Variants in SMARCA1 observed in about 807,000 individuals in gnomAD.
The protein encoded by SMARCA1 is SNF2 related chromatin remodeling ATPase 1.
SMARCA1 carries 17 observed loss-of-function variants against 93.6 expected under a neutral mutation model. The ratio of observed to expected loss-of-function variants is 0.18; its 90% CI spans 0.12 to 0.27. The LOEUF is 0.27. SMARCA1 is among the 10% of genes least tolerant of loss of function. The probability of loss-of-function intolerance (pLI) is 1.00; values close to 1 mark genes in which losing one functional copy is unlikely to be tolerated. For synonymous variants in SMARCA1, 271 were observed against 271.4 expected (o/e 1.00, Z 0.01); for missense variants, 630 against 819.0 (o/e 0.77, Z 2.82).
rs755845490 is a variant in SMARCA1, at chrX:129,498,041, A to T, written c.1308T>A (p.Asp436Glu). ...WYTKILMKDI[D>E]VLNSSGKMDK... Reference sequence around the variant, plus strand: ...CCATCTTGCCAGAAGAGTTTAAAACATCAATATCTTTCATCAGGATTTTTG... The same window carrying T: ...CCATCTTGCCAGAAGAGTTTAAAACTTCAATATCTTTCATCAGGATTTTTG... Residue 436 changes from aspartate to glutamate, a missense_variant, in exon 11 of 25, where the codon GAT (aspartate) becomes GAA (glutamate). Around this residue, in one of 4 missense-constraint regions of SMARCA1, gnomAD observed 382 missense variants for 537.9 expected, o/e 0.71. Transcript: ENST00000371121. 1 of 1,190,068 alleles carries T rather than the reference A, an allele frequency of 8.4e-7. No homozygotes were observed. The highest frequency in any genetic ancestry group is 1.8e-5 in the South Asian group (1 of 56,388).
At chrX:129,494,921 C>T (rs1934264408) in intron 12 of SMARCA1, among the ~76,000 whole-genome samples, 1 of 112,408 alleles carries the variant, frequency 8.9e-6, no homozygotes, top group African/African-American at 3.2e-5. Context: ...ATGAGTACAG[C>T]AGGTCCTCAA....
chrX:129,481,839 C>G (rs914102436), intron 17 of SMARCA1, among the ~76,000 whole-genome samples: 23 of 110,518 alleles, frequency 2.1e-4, no homozygotes, highest in African/African-American at 6.9e-4. Flanking sequence ...AGGTATATAC[C>G]CAAAGGAATA....
intron 1 of SMARCA1, among the ~76,000 whole-genome samples, chrX:129,520,405 G>A (rs1935348015): frequency 9.0e-6 from 1 of 110,717 alleles, no homozygotes; most frequent in South Asian, 3.8e-4. Context: ...CAGAAAGTAA[G>A]CAAAAACACC....
chrX:129,487,813 TATAA>T (rs916178887), intron 16 of SMARCA1, among the ~76,000 whole-genome samples: 1 of 112,493 alleles, frequency 8.9e-6, no homozygotes, highest in Non-Finnish European at 1.9e-5. Context: ...ACTTTTTAAG[TATAA>T]ATATTTACGA....
chrX:129,455,619 G>A (rs1932586663), intron 23 of SMARCA1, among the ~76,000 whole-genome samples: 1 of 109,903 alleles, frequency 9.1e-6, no homozygotes, highest in Non-Finnish European at 1.9e-5. Flanking sequence ...AAAAAAAAAA[G>A]TGCTACTCCA....
At chrX:129,505,516 T>C (rs1473520316) in intron 8 of SMARCA1, among the ~76,000 whole-genome samples, 1 of 110,295 alleles carries the variant, frequency 9.1e-6, no homozygotes, top group Non-Finnish European at 1.9e-5. Context: ...CCTCTCAAAA[T>C]AGTAATAATA....
chrX:129,484,633 A>G (rs1933819015), intron 17 of SMARCA1, among the ~76,000 whole-genome samples: 1 of 112,344 alleles, frequency 8.9e-6, no homozygotes, highest in South Asian at 3.6e-4. Context: ...AACAAAATAT[A>G]TAAAGATAGA....
intron 16 of SMARCA1, among the ~76,000 whole-genome samples, chrX:129,488,286 C>CAA (rs34476497): frequency 0.18 from 8,149 of 46,454 alleles, 602 homozygotes; most frequent in East Asian, 0.23. Flanking sequence ...TAGTCCAGTG[C>CAA]AAAAAAAAAA....
intron 23 of SMARCA1, among the ~76,000 whole-genome samples, chrX:129,465,166 T>TATGTAAGAAA (rs1310345027): frequency 7.2e-5 from 8 of 111,566 alleles, no homozygotes; most frequent in African/African-American, 2.6e-4. Flanking sequence ...GGATTGTGGT[T>TATGTAAGAAA]ATGTAAGAAA....
Position 129,516,484 on chromosome X carries a change from G to A in SMARCA1, c.275C>T (p.Ala92Val). ...CTTCAGTAAAAATTCAAATCTCTTTGCTCGGTCGGCTTTCTAATTTGCAAA... is the reference window on the plus strand; with the variant it reads ...CTTCAGTAAAAATTCAAATCTCTTTACTCGGTCGGCTTTCTAATTTGCAAA... ...EYEEKMKADRAKRFEFLLKQT... is the reference protein window; with the variant it reads ...EYEEKMKADRVKRFEFLLKQT... Residue 92 changes from alanine (A) to valine (V), a missense_variant, in exon 3 of 25, where the codon GCA (alanine) becomes GTA (valine). Around this residue, in one of 4 missense-constraint regions of SMARCA1, gnomAD observed 103 missense variants for 82.0 expected, o/e 1.26. Transcript: ENST00000371121. The A allele has an allele frequency of 8.3e-7, 1 of 1,198,566 alleles. No homozygotes were observed. The highest frequency in any genetic ancestry group is 1.1e-6 in the Non-Finnish European group (1 of 889,912).
At chrX:129,480,051 TCC>T (rs765818209) in intron 19 of SMARCA1, among the ~76,000 whole-genome samples, 1 of 112,107 alleles carries the variant, frequency 8.9e-6, no homozygotes, top group Non-Finnish European at 1.9e-5. Context: ...GTCATCTCTC[TCC>T]ATTCACTAGG....
At chrX:129,458,323 C>T (rs1405372732) in intron 23 of SMARCA1, among the ~76,000 whole-genome samples, 1 of 112,314 alleles carries the variant, frequency 8.9e-6, no homozygotes, top group African/African-American at 3.2e-5. Context: ...GGTGGGGGGC[C>T]ACAGTTTCCA....
At chrX:129,448,584 T>G in intron 23 of SMARCA1, 141 bp from the exon 24 acceptor site, 1 of 526,702 alleles carries the variant, frequency 1.9e-6, no homozygotes, top group Non-Finnish European at 3.1e-6. Flanking sequence ...CACAGGGTAT[T>G]AATAGATTCC....
intron 6 of SMARCA1, among the ~76,000 whole-genome samples, chrX:129,509,188 C>CA (rs10706195): frequency 0.18 from 12,445 of 69,380 alleles, 1,175 homozygotes; most frequent in African/African-American, 0.35. Flanking sequence ...GAGTCCGTCT[C>CA]AAAAAAAAAA....
chrX:129,462,504 T>C (rs1929342778), intron 23 of SMARCA1, among the ~76,000 whole-genome samples: 2 of 111,942 alleles, frequency 1.8e-5, no homozygotes, highest in African/African-American at 6.5e-5. Flanking sequence ...TCCAAATGTA[T>C]GTGTGTTTTA....
chrX:129,496,784 C>G lies in SMARCA1; in HGVS notation c.1592G>C (p.Arg531Pro). The change falls in exon 12 of 25, where the codon CGA (arginine) becomes CCA (proline). Residue 531 changes from arginine (R) to proline (P), a missense_variant. By Grantham distance (103) the Arg-to-Pro change is moderately radical. This residue lies in a region of SMARCA1 where 382 missense variants were observed against 537.9 expected (regional missense o/e 0.71). Transcript: ENST00000371121. Reference sequence around the variant, plus strand: ...TTCATGCGGGGTTTGTCCATCCAGTCGACAATACTCATAACCACGCCACAT... The same window carrying G: ...TTCATGCGGGGTTTGTCCATCCAGTGGACAATACTCATAACCACGCCACAT... The part of the protein sequence containing the change: ...YCMWRGYEYC[R>P]LDGQTPHEER... The G allele has an allele frequency of 8.3e-7, 1 of 1,204,508 alleles. No homozygotes were observed. The highest frequency in any genetic ancestry group is 1.1e-6 in the Non-Finnish European group (1 of 889,569).
chrX:129,457,947 T>A (rs1283923848), intron 23 of SMARCA1, among the ~76,000 whole-genome samples: 1 of 112,028 alleles, frequency 8.9e-6, no homozygotes, highest in Non-Finnish European at 1.9e-5. Flanking sequence ...TTAACCCTTT[T>A]CTTAAAGAAT....
intron 17 of SMARCA1, among the ~76,000 whole-genome samples, chrX:129,481,877 C>G (rs1444412412): frequency 9.1e-6 from 1 of 109,863 alleles, no homozygotes; most frequent in Non-Finnish European, 1.9e-5. Flanking sequence ...AAGACACATG[C>G]ACACATATGT....
intron 12 of SMARCA1, among the ~76,000 whole-genome samples, 180 bp downstream of exon 12, chrX:129,496,569 AT>A (rs1934336714): frequency 9.0e-6 from 1 of 111,298 alleles, no homozygotes; most frequent in South Asian, 3.8e-4. Flanking sequence ...GAAAAAGATG[AT>A]TTGTAAAGAA....
Sources: gnomAD v4.1 joint callset for allele counts (sites outside exome capture counted in the v4.1 genomes callset) on GRCh38, gnomAD v4.1.1 for gene constraint, gnomAD v4.1.1 regional missense constraint, MANE v1.5 for transcripts, NCBI Gene and HGNC (gene_info 2026-07-23, HGNC 2026-07-21) for gene names.